The following PLCL1 variants were observed in gnomAD, a reference collection of about 807,000 sequenced individuals.
PLCL1 encodes inactive phospholipase C-like protein 1.
PLCL1 carries 41 observed loss-of-function variants against 84.4 expected under a neutral mutation model. The observed-to-expected ratio is 0.49, with a 90% CI of 0.38 to 0.63. PLCL1 has a LOEUF of 0.63. Among genes scored for constraint, PLCL1 ranks in the 30% least tolerant of loss-of-function variants. The probability of loss-of-function intolerance (pLI) is 0.00; values close to 1 mark genes in which losing one functional copy is unlikely to be tolerated. For synonymous variants in PLCL1, 490 were observed against 488.3 expected (o/e 1.00, Z -0.05); for missense variants, 1,206 against 1,367.8 (o/e 0.88, Z 1.87).
At chr2:198,064,893 C>A (rs1391540860) in intron 1 of PLCL1, among the ~76,000 whole-genome samples, 6 of 152,050 alleles carry the variant, frequency 3.9e-5, no homozygotes, top group African/African-American at 1.4e-4. Flanking sequence ...TTTCAGTGGA[C>A]CGTTTGGTAT....
At chr2:197,918,289 A>G (rs1688633518) in intron 1 of PLCL1, among the ~76,000 whole-genome samples, 2 of 152,180 alleles carry the variant, frequency 1.3e-5, no homozygotes, top group South Asian at 4.1e-4. Flanking sequence ...AAAACAGGAA[A>G]AGAATGAGAA....
intron 1 of PLCL1, among the ~76,000 whole-genome samples, chr2:198,050,146 C>G (rs1454449107): frequency 6.6e-6 from 1 of 152,160 alleles, no homozygotes; most frequent in East Asian, 1.9e-4. Flanking sequence ...AGAAAAGGTT[C>G]TAGCTCACAG....
chr2:198,110,503 A>G (rs535706714), intron 5 of PLCL1, among the ~76,000 whole-genome samples: 5 of 152,038 alleles, frequency 3.3e-5, no homozygotes, highest in African/African-American at 7.2e-5. Flanking sequence ...TACGCTTTCA[A>G]TTAGAGCCTG....
intron 1 of PLCL1, among the ~76,000 whole-genome samples, chr2:197,865,939 G>A (rs1258031601): frequency 2.1e-5 from 3 of 142,908 alleles, no homozygotes; most frequent in Admixed American, 7.2e-5. Context: ...CTTGAGAGAA[G>A]GTTAAAGGCT....
chr2:198,040,688 A>G (rs1486814340), intron 1 of PLCL1, among the ~76,000 whole-genome samples: 1 of 152,176 alleles, frequency 6.6e-6, no homozygotes, highest in East Asian at 1.9e-4. Context: ...TTTCCATTCT[A>G]CAGGCTCTGT....
intron 1 of PLCL1, among the ~76,000 whole-genome samples, chr2:198,067,640 T>C (rs1382190509): frequency 6.6e-6 from 1 of 152,116 alleles, no homozygotes; most frequent in African/African-American, 2.4e-5. Context: ...TAGTATAAAC[T>C]TAAAGGAAAA....
intron 1 of PLCL1, among the ~76,000 whole-genome samples, chr2:197,941,295 A>ATTT (rs34230346): frequency 2.1e-5 from 3 of 143,816 alleles, no homozygotes; most frequent in Admixed American, 2.1e-4. Flanking sequence ...GGGGAATACT[A>ATTT]TTTTTTTTTT....
chr2:198,052,950 A>G (rs991885543), intron 1 of PLCL1, among the ~76,000 whole-genome samples: 9 of 152,240 alleles, frequency 5.9e-5, no homozygotes, highest in Non-Finnish European at 1.2e-4. Context: ...CATATGCTAT[A>G]TATAGCCCAT....
chr2:197,998,882 C>A (rs1690531053), intron 1 of PLCL1, among the ~76,000 whole-genome samples: 2 of 152,116 alleles, frequency 1.3e-5, no homozygotes, highest in African/African-American at 4.8e-5. Context: ...GGGAACGGAA[C>A]CCACCCACAT....
chr2:198,138,383 AG>A (rs1228129990), intron 5 of PLCL1, among the ~76,000 whole-genome samples: 1 of 152,138 alleles, frequency 6.6e-6, no homozygotes, highest in Non-Finnish European at 1.5e-5. Flanking sequence ...AAGAACAACA[AG>A]GAGGAAATCT....
At chr2:197,924,007 C>A (rs1212590209) in intron 1 of PLCL1, among the ~76,000 whole-genome samples, 1 of 150,020 alleles carries the variant, frequency 6.7e-6, no homozygotes, top group African/African-American at 2.5e-5. Context: ...ACCAGTCAGG[C>A]GTGGCGGCGC....
At chr2:197,956,115 A>C (rs1470102150) in intron 1 of PLCL1, among the ~76,000 whole-genome samples, 2 of 151,898 alleles carry the variant, frequency 1.3e-5, no homozygotes, top group Non-Finnish European at 2.9e-5. Flanking sequence ...ATGATAGCTT[A>C]CAGCTTCATC....
At chr2:198,140,136 G>T (rs1253996978) in intron 5 of PLCL1, among the ~76,000 whole-genome samples, 1 of 152,076 alleles carries the variant, frequency 6.6e-6, no homozygotes, top group East Asian at 1.9e-4. Context: ...GTTTCACCAT[G>T]TTGGCCGCGC....
At chr2:198,134,448 T>C (rs889230094) in intron 5 of PLCL1, among the ~76,000 whole-genome samples, 6 of 152,106 alleles carry the variant, frequency 3.9e-5, no homozygotes, top group African/African-American at 1.2e-4. Context: ...ACCTGACTCA[T>C]TGGGCGGAGG....
intron 1 of PLCL1, among the ~76,000 whole-genome samples, chr2:197,960,976 A>G (rs1689609186): frequency 6.6e-6 from 1 of 152,110 alleles, no homozygotes; most frequent in Non-Finnish European, 1.5e-5. Flanking sequence ...TCCACAGGAC[A>G]CACAATTTTA....
Position 197,881,521 on chromosome 2 carries a change from C to CTGTGTGTGTGTGTGTG in PLCL1, c.240+76185_240+76200dup, listed in dbSNP as rs112582985. ...TCTGTCTGGAAGAAGGAACAGTGCT[C>CTGTGTGTGTGTGTGTG]TGTGTGTGTGTGTGTGTGAGCTAGT... On this transcript the variant is annotated intron_variant, in intron 1 of 5. Transcript: ENST00000428675. Among the ~76,000 whole-genome samples, 849 of 151,018 alleles carry CTGTGTGTGTGTGTGTG rather than the reference C, an allele frequency of 5.6e-3. 7 individuals are homozygous for CTGTGTGTGTGTGTGTG. The highest frequency in any genetic ancestry group is 0.019 in the African/African-American group (799 of 41,148).
At chr2:198,038,929 T>C (rs749926063) in intron 1 of PLCL1, among the ~76,000 whole-genome samples, 2 of 151,922 alleles carry the variant, frequency 1.3e-5, no homozygotes, top group African/African-American at 4.8e-5. Context: ...AGCTGTAAGA[T>C]AGTAATTTGT....
Position 197,915,356 on chromosome 2 carries a change from T to A in PLCL1, c.240+110017T>A, listed in dbSNP as rs77585085. Among the ~76,000 whole-genome samples, 895 of 152,294 alleles carry A rather than the reference T, an allele frequency of 5.9e-3. 10 individuals are homozygous for A. The highest frequency in any genetic ancestry group is 0.021 in the African/African-American group (858 of 41,566). ...CATTTTTCAAGATGCCAAGTCTAAA[T>A]CTATTTCCTACCCATATTTAAATGA... On this transcript the variant is annotated intron_variant, in intron 1 of 5. Transcript: ENST00000428675.
Position 198,004,181 on chromosome 2 carries a change from C to T in PLCL1, c.241-79577C>T, listed in dbSNP as rs112970172. 1.5e-3 allele frequency among the ~76,000 whole-genome samples: 234 copies of T among 151,992 alleles called. 1 individual carries two copies. The highest frequency in any genetic ancestry group is 5.2e-3 in the African/African-American group (215 of 41,420). On this transcript the variant is annotated intron_variant, in intron 1 of 5. Transcript: ENST00000428675. ...AGTCTGGAAGCTGGGCCAATTTCTA[C>T]AAATGTTCTGCTCAGTAGCTAGCCT...
Sources: allele counts gnomAD v4.1 joint callset (sites outside exome capture counted in the v4.1 genomes callset), GRCh38; gene constraint gnomAD v4.1.1; transcripts MANE v1.5; gene names NCBI Gene and HGNC (gene_info 2026-07-23, HGNC 2026-07-21).